GMPPA: variants seen among roughly 807,000 people sequenced by gnomAD.
The protein encoded by GMPPA is GDP-mannose pyrophosphorylase A.
In GMPPA, 46 loss-of-function variants were observed where a neutral mutation model predicts 58.6. The observed-to-expected ratio is 0.78, with a 90% CI of 0.62 to 1.00. GMPPA has a LOEUF of 1.00. Among genes scored for constraint, GMPPA ranks in the 50% least tolerant of loss-of-function variants. GMPPA has a pLI of 0.00. For missense variants in GMPPA, 468 were observed against 556.4 expected (o/e 0.84, Z 1.60); for synonymous variants, 211 against 214.9 (o/e 0.98, Z 0.16).
Position 219,505,877 on chromosome 2 carries a change from G to T in GMPPA, c.901-103G>T, listed in dbSNP as rs62193808. ...TTCACTTTGTCACAGCCTATTGTGT[G>T]TCCTCGAGCAGGTCACTTATGCCTT... On this transcript the variant is annotated intron_variant, in intron 10 of 12. Transcript: ENST00000313597. 0.064 allele frequency: 72,934 copies of T among 1,139,066 alleles called. 2,721 individuals carry two copies. The highest frequency in any genetic ancestry group is 0.073 in the Non-Finnish European group (57,690 of 794,252). 70.6% of individuals were successfully genotyped at this position (1,139,066 alleles called of 1,614,324 possible). A position where few individuals can be genotyped will look rare whatever the true frequency, so the allele number is the denominator to read the frequency against.
intron 1 of GMPPA, among the ~76,000 whole-genome samples, chr2:219,499,581 G>T (rs1158156020): frequency 1.3e-5 from 2 of 152,194 alleles, no homozygotes; most frequent in African/African-American, 4.8e-5. Context: ...ATCAAATTGT[G>T]GGGTGTGAAT....
rs779038410 is a variant in GMPPA at position 219,506,038 on chromosome 2, G to C, written c.959G>C (p.Arg320Pro). 2 of 1,594,876 alleles carry C rather than the reference G, an allele frequency of 1.3e-6. No individual in the cohort carries two copies. The highest frequency in any genetic ancestry group is 1.7e-5 in the Admixed American group (1 of 58,046). ...GVTVGEGVRL[R>P]ESIVLHGATL... ...ACCGTGGGTGAGGGTGTGCGGCTCC[G>C]GGAGAGCATCGTCCTCCATGGAGCC... is the stretch of plus-strand genomic sequence containing the variant. Residue 320 changes from arginine to proline, a missense_variant, in exon 11 of 13, where the codon CGG becomes CCG. Arg to Pro is a moderately radical substitution (Grantham distance 103). Coordinates refer to ENST00000313597, the MANE Select transcript of GMPPA (RefSeq NM_013335.4).
At chr2:219,501,189 G>T in intron 3 of GMPPA, 1 of 368,000 alleles carries the variant, frequency 2.7e-6, no homozygotes, top group East Asian at 5.7e-5. Flanking sequence ...CTTGAGCCCA[G>T]GACGTGGAGG....
rs773071891 is a variant in GMPPA, at chr2:219,505,380, C to A, written c.755+18C>A. On this transcript the variant is annotated intron_variant, in intron 8 of 12. Transcript: ENST00000313597. The stretch of plus-strand genomic sequence containing the variant: ...TCCGCAGGGTATGGAAGGCTGGGTC[C>A]CCTGGGGATTGAAATTTTGGGGTGG... The A allele has an allele frequency of 1.8e-5, 29 of 1,612,542 alleles. 1 individual carries two copies. The Middle Eastern group carries it at 4.9e-4, about 27-fold the overall frequency.
chr2:219,505,793 G>T, intron 10 of GMPPA, 32 bp downstream of exon 10: 2 of 1,561,172 alleles, frequency 1.3e-6, no homozygotes, highest in Non-Finnish European at 1.7e-6. Context: ...AGGGAGGGAA[G>T]GGTGGTGGTC....
intron 3 of GMPPA, chr2:219,501,250 G>A (rs1403439063): frequency 1.9e-6 from 1 of 524,552 alleles, no homozygotes; most frequent in Non-Finnish European, 3.4e-6. Flanking sequence ...GCAACAGAGC[G>A]AGACCCTTTT....
rs1694380633 is a variant in GMPPA, at chr2:219,501,304, T to G, written c.139-172T>G. ...ACGAAAAAAGATCAGGCCTCCGACT[T>G]CCTCCAAATTCCTCATTGTCCAGAG... On this transcript the variant is annotated intron_variant, in intron 3 of 12. Transcript: ENST00000313597. 3 of 619,312 alleles carry G rather than the reference T, an allele frequency of 4.8e-6. No individual in the cohort carries two copies. The South Asian group carries it at 6.1e-5, about 13-fold the overall frequency. 38.4% of individuals were successfully genotyped at this position (619,312 alleles called of 1,614,324 possible).
intron 1 of GMPPA, 39 bp downstream of exon 1, chr2:219,498,977 G>C (rs1434316133): frequency 6.6e-6 from 1 of 152,294 alleles, no homozygotes; most frequent in Non-Finnish European, 1.5e-5. Flanking sequence ...CAGGGGTAAG[G>C]GGCAGGGGAC....
In GMPPA at chr2:219,501,994, C is replaced by A. The variant is rs755437376; in HGVS notation, c.386C>A (p.Ala129Asp). 5 of 1,614,174 alleles carry A rather than the reference C, an allele frequency of 3.1e-6. No homozygotes were observed. Among genetic ancestry groups the A allele is most frequent in the Non-Finnish European group, 4.2e-6 (5 of 1,180,032 alleles). Residue 129 changes from alanine (A) to aspartate (D), a missense_variant, in exon 5 of 13, where the codon GCC becomes GAC. Transcript: ENST00000313597. ...TTCCCCTTGAGTGCTATGTTGGAAG[C>A]CCACCGACGCCAGCGTCACCCTTTC... ...SDFPLSAMLE[A>D]HRRQRHPFLL... is the part of the protein sequence containing the mutation.
In GMPPA at chr2:219,505,271, C is replaced by A. The variant is rs1694539586; in HGVS notation, c.664C>A (p.Leu222Ile). The change falls in exon 8 of 13, where the codon CTA becomes ATA. Residue 222 changes from leucine to isoleucine, a missense_variant. Leu to Ile is a conservative substitution (Grantham distance 5). Transcript: ENST00000313597. ...GTGGCCAGGGGCAGGTACCATCCGC[C>A]TAGAGCAGGATGTGTTTTCAGCCCT... The part of the protein sequence containing the change: ...GLWPGAGTIR[L>I]EQDVFSALAG... 6.2e-7 allele frequency: 1 copy of A among 1,614,080 alleles called. No individual in the cohort carries two copies.
intron 3 of GMPPA, chr2:219,501,095 G>C (rs1053518259): frequency 1.2e-5 from 2 of 173,758 alleles, no homozygotes; most frequent in African/African-American, 4.8e-5. Flanking sequence ...TGGCCTGGCT[G>C]TAGTCCTAGC....
In GMPPA at chr2:219,504,077, C is replaced by T. The variant is rs772541355; in HGVS notation, c.490-6C>T. 5.0e-6 allele frequency: 8 copies of T among 1,614,022 alleles called. No individual in the cohort carries two copies. In the Admixed American group the frequency reaches 1.3e-4, roughly 27 times the overall value. ...TTCTACTGAACCCAGCCTGCTCTGTCCTCAGGTATTGCACTATGTGGAGAA... is the reference window on the plus strand; with the variant it reads ...TTCTACTGAACCCAGCCTGCTCTGTTCTCAGGTATTGCACTATGTGGAGAA... On this transcript the variant is annotated splice_region_variant and splice_polypyrimidine_tract_variant and intron_variant, in intron 6 of 12. Transcript: ENST00000313597.
chr2:219,502,490 C>T lies in GMPPA; in HGVS notation c.489+49C>T, dbSNP rs752642214. 49 of 1,445,786 alleles carry T rather than the reference C, an allele frequency of 3.4e-5. 1 individual carries two copies. In the South Asian group the frequency reaches 4.7e-4, roughly 14 times the overall value. 89.6% of individuals were successfully genotyped at this position (1,445,786 alleles called of 1,614,324 possible). A position where few individuals can be genotyped will look rare whatever the true frequency, so the allele number is the denominator to read the frequency against. ...TGGGTGCCTACTCTGTGTCATCATC[C>T]CCTCTACCTCAGGCCTCTAGAGAAT... On this transcript the variant is annotated intron_variant, in intron 6 of 12. Transcript: ENST00000313597. This position sits in a 1 kb window ranked among gnomAD's most constrained non-coding sequence, Gnocchi z 4.0.
In GMPPA at chr2:219,502,388, A is replaced by G; in HGVS notation, c.436A>G (p.Arg146Gly). The change falls in exon 6 of 13, where the codon AGG becomes GGG. Residue 146 changes from arginine to glycine, a missense_variant. By Grantham distance (125) the Arg-to-Gly change is moderately radical. Transcript: ENST00000313597. The surrounding 1 kb of genome is among the most constrained non-coding windows in gnomAD (Gnocchi z 4.0). ...PFLLLGTTAN[R>G]TQSLNYGCIV... is the part of the protein sequence containing the mutation. ...GGGTGTGTCTGTCTTTCAGGCTAAC[A>G]GGACGCAATCCCTCAACTACGGCTG... The G allele has an allele frequency of 6.2e-7, 1 of 1,613,860 alleles. No homozygotes were observed. Among genetic ancestry groups the G allele is most frequent in the Non-Finnish European group, 8.5e-7 (1 of 1,179,786 alleles).
At chr2:219,500,049 G>C (rs1694334101) in intron 2 of GMPPA, 34 bp downstream of exon 2, 1 of 1,610,336 alleles carries the variant, frequency 6.2e-7, no homozygotes, top group Non-Finnish European at 8.5e-7. Flanking sequence ...GAGGAGGTTG[G>C]GCTGGAGTGG....
At chr2:219,499,786 T>A (rs1694324473) in intron 1 of GMPPA, 170 bp from the exon 2 acceptor site, 1 of 643,622 alleles carries the variant, frequency 1.6e-6, no homozygotes. Flanking sequence ...TGAGCTTGAT[T>A]TCTCTGCTGG....
intron 4 of GMPPA, 103 bp downstream of exon 4, chr2:219,501,682 A>G (rs1321787620): frequency 1.1e-6 from 1 of 931,504 alleles, no homozygotes; most frequent in Non-Finnish European, 1.8e-6. Flanking sequence ...ATCCTCGCCT[A>G]CTAGAAGGAT....
In GMPPA at chr2:219,500,114, C is replaced by T; in HGVS notation, c.41-7C>T. ...AGGCCGAAATGTTCTCCTCTCTCCT[C>T]TCCCAGGAACTCGCTTCAGACCTTT... On this transcript the variant is annotated splice_polypyrimidine_tract_variant and splice_region_variant and intron_variant, in intron 2 of 12. Coordinates refer to ENST00000313597, the MANE Select transcript of GMPPA (RefSeq NM_013335.4). 6.2e-7 allele frequency: 1 copy of T among 1,605,556 alleles called. No homozygotes were observed. Among genetic ancestry groups the T allele is most frequent in the Non-Finnish European group, 8.5e-7 (1 of 1,174,312 alleles).
chr2:219,506,742 A>T lies in GMPPA; in HGVS notation c.1207A>T (p.Ile403Phe). Residue 403 changes from isoleucine (I) to phenylalanine (F), a missense_variant, in exon 13 of 13, where the codon ATT becomes TTT. Coordinates refer to ENST00000313597, the MANE Select transcript of GMPPA (RefSeq NM_013335.4). Reference sequence around the variant, plus strand: ...TGCCGAGGTGCTCATCCTGAACTCGATTGTTCTGCCACACAAGGAGCTGAG... The same window carrying T: ...TGCCGAGGTGCTCATCCTGAACTCGTTTGTTCTGCCACACAAGGAGCTGAG... ...IPAEVLILNS[I>F]VLPHKELSRS... 6.2e-7 allele frequency: 1 copy of T among 1,608,486 alleles called. No homozygotes were observed. Among genetic ancestry groups the T allele is most frequent in the South Asian group, 1.1e-5 (1 of 90,934 alleles).
Sources: gnomAD v4.1 joint callset for allele counts (sites outside exome capture counted in the v4.1 genomes callset) on GRCh38, gnomAD v4.1.1 for gene constraint, Gnocchi (gnomAD v3.1) non-coding constraint, MANE v1.5 for transcripts, NCBI Gene and HGNC (gene_info 2026-07-23, HGNC 2026-07-21) for gene names.